MTMR12: variants seen among roughly 807,000 people sequenced by gnomAD.
MTMR12 encodes myotubularin-related protein 12.
A neutral mutation model predicts 96.7 loss-of-function variants in MTMR12; 33 were observed. The observed-to-expected ratio is 0.34, with a 90% CI of 0.26 to 0.46. The LOEUF is 0.46. Ranked by LOEUF, MTMR12 falls within the 20% of genes least tolerant of loss-of-function variation. MTMR12 has a pLI of 1.00. For missense variants in MTMR12, 721 were observed against 896.1 expected, an observed-to-expected ratio of 0.80 and a Z score of 2.49; for synonymous variants, 298 against 327.2, an observed-to-expected ratio of 0.91 and a Z score of 0.96.
chr5:32,249,376 T>C (rs1382921610), intron 8 of MTMR12, among the ~76,000 whole-genome samples: 3 of 152,074 alleles, frequency 2.0e-5, no homozygotes, highest in African/African-American at 7.2e-5. Context: ...CTGTGTTGTA[T>C]ATGGATGGCA....
chr5:32,281,248 T>TTA (rs371988993), intron 1 of MTMR12, among the ~76,000 whole-genome samples: 2 of 107,462 alleles, frequency 1.9e-5, no homozygotes, highest in South Asian at 3.4e-4. Context: ...ACTCTATCAT[T>TTA]AAAAAAAAAA....
chr5:32,266,044 G>A (rs76541463), intron 6 of MTMR12, among the ~76,000 whole-genome samples: 6,891 of 151,966 alleles, frequency 0.045, 286 homozygotes, highest in African/African-American at 0.11. Flanking sequence ...CTCTATACAC[G>A]CCAATCCCTC....
At chr5:32,232,627 G>C (rs1183356037) in intron 15 of MTMR12, among the ~76,000 whole-genome samples, 2 of 152,224 alleles carry the variant, frequency 1.3e-5, no homozygotes, top group African/African-American at 4.8e-5. Flanking sequence ...TGTGCATGCA[G>C]CCACCAGGGG....
chr5:32,308,764 C>T (rs1751455824), intron 1 of MTMR12, among the ~76,000 whole-genome samples: 1 of 152,078 alleles, frequency 6.6e-6, no homozygotes, highest in Non-Finnish European at 1.5e-5. Context: ...ACCACCACGC[C>T]CAGGTAATTT....
At chr5:32,248,317 T>C (rs1474886312) in intron 9 of MTMR12, among the ~76,000 whole-genome samples, 191 bp from the exon 10 acceptor site, 1 of 152,250 alleles carries the variant, frequency 6.6e-6, no homozygotes, top group Non-Finnish European at 1.5e-5. Context: ...AAAGTAAAAC[T>C]GCCTGGCCCA....
intron 1 of MTMR12, among the ~76,000 whole-genome samples, chr5:32,296,801 TA>T (rs150147919): frequency 5.2e-3 from 611 of 117,678 alleles, no homozygotes; most frequent in East Asian, 6.1e-3. Flanking sequence ...ACATTCTCTT[TA>T]AAAAAAAAAA....
intron 1 of MTMR12, among the ~76,000 whole-genome samples, chr5:32,282,421 A>G (rs927681100): frequency 8.7e-5 from 6 of 68,638 alleles, no homozygotes; most frequent in Non-Finnish European, 1.7e-4. Flanking sequence ...ACTCCATCTA[A>G]AATAAATAAA....
In MTMR12 at chr5:32,270,946, C is replaced by T; in HGVS notation, c.360G>A (p.Val120=). ...AGAGAGTTTTCTTTTTCTCATCAAA[C>T]ACTACAGATCAGCAATGAAATCAGG... ...TLHCVDQIYG[V]FDEKKKTLFG... The change falls in exon 5 of 16, where the codon GTG becomes GTA. Residue 120 remains valine (V), a splice_region_variant and synonymous_variant. Coordinates refer to ENST00000382142, the MANE Select transcript of MTMR12 (RefSeq NM_001040446.3). 1.9e-6 allele frequency: 3 copies of T among 1,607,418 alleles called. No individual in the cohort carries two copies. The South Asian group carries it at 3.4e-5, about 18-fold the overall frequency.
At chr5:32,283,749 A>C (rs1191466157) in intron 1 of MTMR12, among the ~76,000 whole-genome samples, 3 of 152,214 alleles carry the variant, frequency 2.0e-5, no homozygotes, top group Non-Finnish European at 1.5e-5. Context: ...GGCCAAGGGA[A>C]GCTAAAGGGA....
At chr5:32,271,153 A>C (rs370774116) in intron 4 of MTMR12, among the ~76,000 whole-genome samples, 2 of 152,048 alleles carry the variant, frequency 1.3e-5, no homozygotes, top group African/African-American at 4.8e-5. Context: ...AGCGTGCTTC[A>C]CTCCTCTGGA....
At chr5:32,257,104 G>A (rs909179017) in intron 7 of MTMR12, among the ~76,000 whole-genome samples, 1 of 151,938 alleles carries the variant, frequency 6.6e-6, no homozygotes, top group South Asian at 2.1e-4. Flanking sequence ...AAGGTGGGAG[G>A]GCTGCTTGAG....
At chr5:32,246,370 C>T (rs114691392) in intron 10 of MTMR12, among the ~76,000 whole-genome samples, 7,494 of 152,106 alleles carry the variant, frequency 0.049, 254 homozygotes, top group Middle Eastern at 0.11. Flanking sequence ...CCATGTTAGC[C>T]GGGCTGGTCT....
At chr5:32,238,143 CAAAAAAAAAAAAAA>C (rs746835069) in intron 13 of MTMR12, among the ~76,000 whole-genome samples, 2 of 58,964 alleles carry the variant, frequency 3.4e-5, no homozygotes, top group Non-Finnish European at 6.6e-5. Flanking sequence ...GACTCCGTCT[CAAAAAAAAAAAAAA>C]AAAAAAAAAA....
rs989408033 is a variant in MTMR12, at chr5:32,229,664, T to G, written c.*114A>C. 3 of 1,018,368 alleles carry G rather than the reference T, an allele frequency of 2.9e-6. No individual in the cohort carries two copies. Among genetic ancestry groups the G allele is most frequent in the Non-Finnish European group, 4.0e-6 (3 of 741,730 alleles). 63.1% of individuals were successfully genotyped at this position (1,018,368 alleles called of 1,614,324 possible). ...TTTTCCCGAAGGCCCAGGTTTATTC[T>G]AACGGAGTGCCGGGCTAAGGACCCA... On this transcript the variant is annotated 3_prime_UTR_variant, in exon 16 of 16. Coordinates refer to ENST00000382142, the MANE Select transcript of MTMR12 (RefSeq NM_001040446.3).
intron 1 of MTMR12, among the ~76,000 whole-genome samples, chr5:32,289,124 G>A (rs1750651746): frequency 6.6e-6 from 1 of 152,182 alleles, no homozygotes; most frequent in South Asian, 2.1e-4. Flanking sequence ...CAAGGTGTTC[G>A]TAGCTACTGT....
intron 15 of MTMR12, 44 bp from the exon 16 acceptor site, chr5:32,230,391 G>A: frequency 1.3e-6 from 2 of 1,511,192 alleles, no homozygotes; most frequent in Non-Finnish European, 1.8e-6. Context: ...TAACATAACA[G>A]GCACAGTTAA....
intron 1 of MTMR12, among the ~76,000 whole-genome samples, chr5:32,289,822 C>G (rs1300719860): frequency 6.6e-6 from 1 of 152,182 alleles, no homozygotes; most frequent in Non-Finnish European, 1.5e-5. Context: ...TAAACAGAAG[C>G]CGTTAGAGCT....
In MTMR12 at chr5:32,294,580, T is replaced by C. The variant is rs150744525; in HGVS notation, c.82-17838A>G. On this transcript the variant is annotated intron_variant, in intron 1 of 15. Coordinates refer to ENST00000382142, the MANE Select transcript of MTMR12 (RefSeq NM_001040446.3). ...CCTCCCAAAGTGCTGAGATTACAGGTGTGAGCCACCGCACCTGGCCAAGCA... is the reference window on the plus strand; with the variant it reads ...CCTCCCAAAGTGCTGAGATTACAGGCGTGAGCCACCGCACCTGGCCAAGCA... Among the ~76,000 whole-genome samples, 12 of 152,182 alleles carry C rather than the reference T, an allele frequency of 7.9e-5. 1 individual carries two copies. The highest frequency in any genetic ancestry group is 2.9e-4 in the African/African-American group (12 of 41,524).
chr5:32,229,587 G>A lies in MTMR12; in HGVS notation c.*191C>T, dbSNP rs184629783. 2.1e-4 allele frequency: 95 copies of A among 461,022 alleles called. No individual in the cohort carries two copies. The highest frequency in any genetic ancestry group is 1.4e-4 in the Non-Finnish European group (38 of 273,428). The allele number at this position is 461,022 out of a possible 1,614,324, so 28.6% of individuals were successfully genotyped here. A position where few individuals can be genotyped will look rare whatever the true frequency, so the allele number is the denominator to read the frequency against. Reference sequence around the variant, plus strand: ...TTCCAATTAGTAATACTACAGATGCGGTTTTAATTGCATAGTCTTTTAGAA... The same window carrying A: ...TTCCAATTAGTAATACTACAGATGCAGTTTTAATTGCATAGTCTTTTAGAA... On this transcript the variant is annotated 3_prime_UTR_variant, in exon 16 of 16. Coordinates refer to ENST00000382142, the MANE Select transcript of MTMR12 (RefSeq NM_001040446.3).
Sources: gnomAD v4.1 joint callset for allele counts (sites outside exome capture counted in the v4.1 genomes callset) on GRCh38, gnomAD v4.1.1 for gene constraint, MANE v1.5 for transcripts, NCBI Gene and HGNC (gene_info 2026-07-23, HGNC 2026-07-21) for gene names.